The following ADGRB3 variants were observed in gnomAD, a reference collection of about 807,000 sequenced individuals.
ADGRB3 encodes brain-specific angiogenesis inhibitor 3.
In ADGRB3, 37 loss-of-function variants were observed where a neutral mutation model predicts 193.4. The ratio of observed to expected loss-of-function variants is 0.19; its 90% CI spans 0.15 to 0.25. The LOEUF is 0.25. ADGRB3 is among the 10% of genes least tolerant of loss of function. The pLI is 1.00. For synonymous variants in ADGRB3, 690 were observed against 644.2 expected, an observed-to-expected ratio of 1.07 and a Z score of -1.08; for missense variants, 1,637 against 1,852.9, an observed-to-expected ratio of 0.88 and a Z score of 2.14.
At chr6:69,099,931 G>T (rs1001632162) in intron 17 of ADGRB3, among the ~76,000 whole-genome samples, 1 of 152,124 alleles carries the variant, frequency 6.6e-6, no homozygotes, top group South Asian at 2.1e-4. Context: ...ATGAATATTT[G>T]TGGCTCTTAT....
intron 20 of ADGRB3, among the ~76,000 whole-genome samples, chr6:69,281,894 G>T (rs1767444625): frequency 6.6e-6 from 1 of 152,150 alleles, no homozygotes; most frequent in African/African-American, 2.4e-5. Context: ...CTGATGTCCA[G>T]GCTAAACTAG....
At chr6:69,289,887 G>A (rs2127292091) in intron 20 of ADGRB3, among the ~76,000 whole-genome samples, 1 of 152,062 alleles carries the variant, frequency 6.6e-6, no homozygotes, top group Non-Finnish European at 1.5e-5. Context: ...ATGTGAGTCA[G>A]TGTGTGGCAC....
At chr6:69,116,029 G>A (rs1773522146) in intron 17 of ADGRB3, among the ~76,000 whole-genome samples, 1 of 152,182 alleles carries the variant, frequency 6.6e-6, no homozygotes, top group African/African-American at 2.4e-5. Context: ...ATTCAGGTAA[G>A]AGTTGAAGTT....
intron 13 of ADGRB3, among the ~76,000 whole-genome samples, chr6:69,022,144 CTAAA>C (rs747733358): frequency 4.0e-5 from 6 of 151,654 alleles, no homozygotes; most frequent in Middle Eastern, 3.5e-3. Context: ...AAATGCTCTG[CTAAA>C]TAGTTTAATT....
At chr6:68,706,890 T>C (rs1200012555) in intron 3 of ADGRB3, among the ~76,000 whole-genome samples, 1 of 152,028 alleles carries the variant, frequency 6.6e-6, no homozygotes, top group Non-Finnish European at 1.5e-5. Flanking sequence ...GGCAAGCAGC[T>C]CACCAGATCA....
intron 3 of ADGRB3, among the ~76,000 whole-genome samples, chr6:68,874,704 T>C (rs1344040885): frequency 6.6e-6 from 1 of 152,152 alleles, no homozygotes; most frequent in African/African-American, 2.4e-5. Context: ...CAGAATTCCA[T>C]ACATGGAATT....
chr6:68,990,416 T>G (rs1769203050), intron 10 of ADGRB3, among the ~76,000 whole-genome samples: 1 of 152,122 alleles, frequency 6.6e-6, no homozygotes, highest in Non-Finnish European at 1.5e-5. Context: ...TCACCTACAA[T>G]GCCAGGAAGG....
intron 20 of ADGRB3, among the ~76,000 whole-genome samples, chr6:69,321,721 T>G (rs1561986890): frequency 6.6e-6 from 1 of 151,920 alleles, no homozygotes; most frequent in East Asian, 1.9e-4. Context: ...TGGAAGCTGA[T>G]GTGTCATTTG....
intron 19 of ADGRB3, among the ~76,000 whole-genome samples, chr6:69,238,733 G>T (rs958059709): frequency 6.6e-6 from 1 of 151,550 alleles, no homozygotes; most frequent in Non-Finnish European, 1.5e-5. Context: ...ATATGATAAT[G>T]CTAAACATAC....
intron 17 of ADGRB3, among the ~76,000 whole-genome samples, chr6:69,085,989 T>C (rs1291031003): frequency 6.6e-6 from 1 of 151,878 alleles, no homozygotes; most frequent in Non-Finnish European, 1.5e-5. Flanking sequence ...ATGATTTTGA[T>C]TAAAAAAAGA....
intron 8 of ADGRB3, among the ~76,000 whole-genome samples, chr6:68,966,805 A>G (rs1348529723): frequency 6.6e-6 from 1 of 152,182 alleles, no homozygotes; most frequent in Non-Finnish European, 1.5e-5. Flanking sequence ...TGACTGGGAT[A>G]TGCTGGGTGC....
intron 3 of ADGRB3, among the ~76,000 whole-genome samples, chr6:68,825,849 G>A (rs1244336839): frequency 6.6e-6 from 1 of 152,170 alleles, no homozygotes; most frequent in Admixed American, 6.5e-5. Context: ...GCGGAACTGT[G>A]AATCAATTAA....
chr6:69,081,811 C>T (rs192617292), intron 17 of ADGRB3, among the ~76,000 whole-genome samples: 6 of 152,108 alleles, frequency 3.9e-5, no homozygotes, highest in Admixed American at 1.3e-4. Context: ...TAACTGATAA[C>T]GTTTACATAA....
At chr6:68,833,537 A>G (rs1408549142) in intron 3 of ADGRB3, among the ~76,000 whole-genome samples, 1 of 114,170 alleles carries the variant, frequency 8.8e-6, no homozygotes, top group African/African-American at 3.0e-5. Context: ...AAGAAAATCA[A>G]TTTCCTTATT....
At chr6:69,177,495 T>C (rs542956138) in intron 17 of ADGRB3, among the ~76,000 whole-genome samples, 7 of 152,252 alleles carry the variant, frequency 4.6e-5, no homozygotes, top group Admixed American at 3.9e-4. Flanking sequence ...TAGCAGGGAC[T>C]ACAGGTGCCT....
At chr6:68,908,298 T>A (rs1766604676) in intron 3 of ADGRB3, among the ~76,000 whole-genome samples, 1 of 152,100 alleles carries the variant, frequency 6.6e-6, no homozygotes, top group South Asian at 2.1e-4. Flanking sequence ...AATGGTTTGA[T>A]ATTTAAGGGT....
At chr6:68,873,684 A>G (rs1182080398) in intron 3 of ADGRB3, among the ~76,000 whole-genome samples, 1 of 152,154 alleles carries the variant, frequency 6.6e-6, no homozygotes, top group South Asian at 2.1e-4. Flanking sequence ...GAATTCCAAC[A>G]ATGAAAAGTG....
At chr6:68,641,341 G>A (rs1768078868) in intron 3 of ADGRB3, among the ~76,000 whole-genome samples, 1 of 151,932 alleles carries the variant, frequency 6.6e-6, no homozygotes, top group South Asian at 2.1e-4. Flanking sequence ...GATAATGCTG[G>A]GATTTACAGA....
At chr6:68,990,719 T>C (rs1344904914) in intron 10 of ADGRB3, among the ~76,000 whole-genome samples, 2 of 152,166 alleles carry the variant, frequency 1.3e-5, no homozygotes, top group African/African-American at 4.8e-5. Context: ...ATGTTTTTGT[T>C]TGAGGATATC....
Sources: gnomAD v4.1 joint callset for allele counts (sites outside exome capture counted in the v4.1 genomes callset) on GRCh38, gnomAD v4.1.1 for gene constraint, MANE v1.5 for transcripts, NCBI Gene and HGNC (gene_info 2026-07-23, HGNC 2026-07-21) for gene names.